Variants in ORC3 observed in about 807,000 individuals in gnomAD.
ORC3 encodes the protein homolog of latheo, Drosophila.
ORC3 carries 78 observed loss-of-function variants against 100.7 expected under a neutral mutation model. The ratio of observed to expected loss-of-function variants is 0.77; its 90% CI spans 0.65 to 0.94. The LOEUF (loss-of-function observed/expected upper bound fraction) is 0.94. Ranked by LOEUF, ORC3 falls within the 40% of genes least tolerant of loss-of-function variation. The pLI, the probability that ORC3 is intolerant of heterozygous loss-of-function variation, is 0.00. For missense variants in ORC3, 789 were observed against 823.9 expected (o/e 0.96, Z 0.52); for synonymous variants, 295 against 289.3 (o/e 1.02, Z -0.20).
At chr6:87,677,081 A>G in the ORC3 span, among the ~76,000 whole-genome samples, 6 of 141,166 alleles carry the variant, frequency 4.3e-5, no homozygotes, top group Non-Finnish European at 6.2e-5. Flanking sequence ...CCGTCTCAGG[A>G]AAAAAAAAAA....
At chr6:87,607,913 A>G (rs890077942) in intron 6 of ORC3, 89 bp downstream of exon 6, 2 of 813,612 alleles carry the variant, frequency 2.5e-6, no homozygotes, top group Admixed American at 5.6e-5. Flanking sequence ...TTTTGATCTA[A>G]CAAGGATATG....
chr6:87,676,292 A>G, the ORC3 span, among the ~76,000 whole-genome samples: 10,874 of 143,476 alleles, frequency 0.076, 413 homozygotes, highest in East Asian at 0.11. Flanking sequence ...GTGAAACCCC[A>G]TCTCTACTAA....
intron 13 of ORC3, among the ~76,000 whole-genome samples, chr6:87,641,926 T>C (rs1206624985): frequency 1.3e-5 from 2 of 152,194 alleles, no homozygotes; most frequent in African/African-American, 4.8e-5. Flanking sequence ...CCACAATCTA[T>C]GATAAGCTTC....
At chr6:87,676,614 CACACACACACACAA>C in the ORC3 span, among the ~76,000 whole-genome samples, 1 of 150,158 alleles carries the variant, frequency 6.7e-6, no homozygotes, top group African/African-American at 2.5e-5. Flanking sequence ...CACACACACA[CACACACACACACAA>C]ACATAGCTGG....
intron 6 of ORC3, among the ~76,000 whole-genome samples, chr6:87,608,598 C>A (rs1375974585): frequency 6.6e-6 from 1 of 152,064 alleles, no homozygotes; most frequent in Non-Finnish European, 1.5e-5. Context: ...TTAGACTTTC[C>A]AGATAAAATG....
rs1315808133 is a variant in ORC3 at position 87,644,076 on chromosome 6, GTCCTTTTTTTTTTTTT to G, written c.1382+7592_1382+7607del. ...GACCCACAGATACAGATGGCTGACT[GTCCTTTTTTTTTTTTT>G]TTTTTTTTTTTTTTTTTTGAGACGG... On this transcript the variant is annotated intron_variant, in intron 13 of 19. Transcript: ENST00000392844. Among the ~76,000 whole-genome samples the G allele has an allele frequency of 2.7e-3, 269 of 99,678 alleles. 1 individual carries two copies. The highest frequency in any genetic ancestry group is 0.011 in the African/African-American group (261 of 22,934). The allele number at this position is 99,678 out of a possible 152,430, so 65.4% of individuals were successfully genotyped here.
chr6:87,598,621 T>C (rs552554367), intron 2 of ORC3, among the ~76,000 whole-genome samples: 1 of 152,238 alleles, frequency 6.6e-6, no homozygotes, highest in African/African-American at 2.4e-5. Context: ...ATGTGTATAA[T>C]TGTATGATTT....
the ORC3 span, among the ~76,000 whole-genome samples, chr6:87,677,408 A>C: frequency 6.6e-6 from 1 of 152,196 alleles, no homozygotes; most frequent in African/African-American, 2.4e-5. Flanking sequence ...AAATTATCAA[A>C]TTTTACTGAA....
chr6:87,634,620 C>T (rs1424258123), intron 11 of ORC3, among the ~76,000 whole-genome samples: 3 of 152,224 alleles, frequency 2.0e-5, no homozygotes, highest in South Asian at 4.1e-4. Context: ...GATTAAAATA[C>T]AGTATCAATT....
chr6:87,615,037 G>A (rs961448006), intron 8 of ORC3, among the ~76,000 whole-genome samples: 3 of 152,122 alleles, frequency 2.0e-5, no homozygotes, highest in Admixed American at 6.5e-5. Flanking sequence ...AGACATAGGC[G>A]AGACTGGGCA....
intron 11 of ORC3, among the ~76,000 whole-genome samples, chr6:87,631,825 G>T (rs982930678): frequency 6.6e-6 from 1 of 152,084 alleles, no homozygotes. Flanking sequence ...ACCTTTTACA[G>T]GTTTGAGTTT....
chr6:87,608,724 A>G (rs1405374558), intron 6 of ORC3, among the ~76,000 whole-genome samples: 1 of 151,088 alleles, frequency 6.6e-6, no homozygotes, highest in Non-Finnish European at 1.5e-5. Flanking sequence ...ACTACTATTC[A>G]TTATATTTTT....
intron 8 of ORC3, among the ~76,000 whole-genome samples, chr6:87,612,489 C>G (rs562988047): frequency 2.0e-5 from 3 of 152,116 alleles, no homozygotes; most frequent in African/African-American, 7.2e-5. Flanking sequence ...GATCATATCT[C>G]TCTATGTACT....
intron 11 of ORC3, among the ~76,000 whole-genome samples, chr6:87,626,976 T>G (rs952355288): frequency 2.0e-5 from 3 of 151,850 alleles, no homozygotes; most frequent in Non-Finnish European, 4.4e-5. Context: ...TGAACACATT[T>G]TATTTATTTA....
At chr6:87,636,281 A>C (rs970269901) in intron 12 of ORC3, 126 bp from the exon 13 acceptor site, 2 of 644,022 alleles carry the variant, frequency 3.1e-6, no homozygotes, top group Non-Finnish European at 5.5e-6. Flanking sequence ...TGCCAAGTCT[A>C]TTATAATCTA....
At chr6:87,596,953 A>G (rs1417242533) in intron 2 of ORC3, among the ~76,000 whole-genome samples, 1 of 152,208 alleles carries the variant, frequency 6.6e-6, no homozygotes, top group African/African-American at 2.4e-5. Flanking sequence ...TTACATAACT[A>G]TAGTACAGTG....
intron 6 of ORC3, among the ~76,000 whole-genome samples, chr6:87,608,694 A>G (rs960701623): frequency 1.3e-5 from 2 of 152,182 alleles, no homozygotes; most frequent in African/African-American, 4.8e-5. Flanking sequence ...TTGAAATTTC[A>G]CAGTGGCAGA....
At chr6:87,648,031 G>C (rs13194003) in intron 13 of ORC3, among the ~76,000 whole-genome samples, 91,033 of 151,824 alleles carry the variant, frequency 0.6, 27,901 homozygotes, top group African/African-American at 0.72. Context: ...AAAACCGCCT[G>C]TCTACTAAAA....
At chr6:87,674,302 CAAAAA>C in the ORC3 span, among the ~76,000 whole-genome samples, 3 of 87,160 alleles carry the variant, frequency 3.4e-5, no homozygotes, top group East Asian at 3.4e-4. Context: ...AACTCTATCT[CAAAAA>C]AAAAAAAAAA....
Sources: gnomAD v4.1 joint callset for allele counts (sites outside exome capture counted in the v4.1 genomes callset) on GRCh38, gnomAD v4.1.1 for gene constraint, MANE v1.5 for transcripts, NCBI Gene and HGNC (gene_info 2026-07-23, HGNC 2026-07-21) for gene names.